SCAF8: variants seen among roughly 807,000 people sequenced by gnomAD.
The protein encoded by SCAF8 is SR-related CTD associated factor 8, also known as SR-related and CTD-associated factor 8.
SCAF8 carries 23 observed loss-of-function variants against 140.5 expected under a neutral mutation model. That is an observed-to-expected ratio of 0.16 (90% CI 0.12 to 0.23). SCAF8 has a LOEUF of 0.23. Ranked by LOEUF, SCAF8 falls within the 10% of genes least tolerant of loss-of-function variation. SCAF8 has a pLI of 1.00. For missense variants in SCAF8, 1,397 were observed against 1,555.7 expected, an observed-to-expected ratio of 0.90 and a Z score of 1.72; for synonymous variants, 575 against 528.9, an observed-to-expected ratio of 1.09 and a Z score of -1.20.
At chr6:154,822,787 G>A (rs1366998894) in intron 16 of SCAF8, among the ~76,000 whole-genome samples, 1 of 152,026 alleles carries the variant, frequency 6.6e-6, no homozygotes, top group Non-Finnish European at 1.5e-5. Context: ...AAATATGTTT[G>A]TTTATTGAAC....
intron 1 of SCAF8, among the ~76,000 whole-genome samples, chr6:154,753,632 G>C (rs1254852251): frequency 6.6e-6 from 1 of 151,980 alleles, no homozygotes; most frequent in African/African-American, 2.4e-5. Context: ...CATGTATAAA[G>C]TGTCTATTTT....
chr6:154,770,175 G>A (rs1776693973), intron 1 of SCAF8, among the ~76,000 whole-genome samples: 2 of 152,120 alleles, frequency 1.3e-5, no homozygotes, highest in Non-Finnish European at 2.9e-5. Context: ...TAGGCTGGGT[G>A]TGGTGGCTCA....
At chr6:154,735,272 T>G (rs1431675408) in intron 1 of SCAF8, among the ~76,000 whole-genome samples, 2 of 152,128 alleles carry the variant, frequency 1.3e-5, no homozygotes, top group African/African-American at 4.8e-5. Context: ...AATACGAGGC[T>G]TTTTGCTGTG....
At chr6:154,763,982 A>G (rs532854325) in intron 1 of SCAF8, among the ~76,000 whole-genome samples, 7 of 152,316 alleles carry the variant, frequency 4.6e-5, no homozygotes, top group African/African-American at 1.4e-4. Flanking sequence ...CTGATGCTGG[A>G]CCTAATTGAT....
intron 1 of SCAF8, among the ~76,000 whole-genome samples, chr6:154,749,863 A>G (rs879465713): frequency 1.3e-5 from 2 of 152,160 alleles, no homozygotes; most frequent in Admixed American, 6.5e-5. Flanking sequence ...GGGAATGGCA[A>G]TGGCGGGATG....
chr6:154,746,409 T>TTA lies in SCAF8; in HGVS notation c.30+12488_30+12489dup, dbSNP rs1343123870. Among the ~76,000 whole-genome samples, 27 of 152,264 alleles carry TTA rather than the reference T, an allele frequency of 1.8e-4. No homozygotes were observed. The East Asian group carries it at 4.8e-3, about 27-fold the overall frequency. On this transcript the variant is annotated intron_variant, in intron 1 of 19. Coordinates refer to ENST00000367178, the MANE Select transcript of SCAF8 (RefSeq NM_014892.5). The stretch of plus-strand genomic sequence containing the variant: ...ATCTATCAATAGATAGAACTGTAAA[T>TTA]TATATATATACATACATTCTCTTTC...
rs1352266656 is a variant in SCAF8 at position 154,818,716 on chromosome 6, C to CTAAA, written c.1635+125_1635+126insAAAT. On this transcript the variant is annotated intron_variant, in intron 14 of 19. Transcript: ENST00000367178. ...CTTTTATTGGATTATTAGAATGTCT[C>CTAAA]TGTATTATATTCTTTTTAAATGTTA... 18 of 467,328 alleles carry CTAAA rather than the reference C, an allele frequency of 3.9e-5. No homozygotes were observed. In the East Asian group the frequency reaches 5.9e-4, roughly 15 times the overall value. 28.9% of individuals were successfully genotyped at this position (467,328 alleles called of 1,614,324 possible).
At chr6:154,809,424 G>T (rs909297461) in intron 11 of SCAF8, among the ~76,000 whole-genome samples, 1 of 152,092 alleles carries the variant, frequency 6.6e-6, no homozygotes, top group African/African-American at 2.4e-5. Context: ...GAGCCTGTCA[G>T]TTCAACTTTC....
At position 154,833,448 on chromosome 6, in the gene SCAF8, A is replaced by C; in HGVS notation, c.*53A>C. The stretch of plus-strand genomic sequence containing the variant: ...TTTGTAAAGTTGTCATCTCTCTGTA[A>C]TAGATAATGGCTGACTGGACCATAG... On this transcript the variant is annotated 3_prime_UTR_variant, in exon 20 of 20. Coordinates refer to ENST00000367178, the MANE Select transcript of SCAF8 (RefSeq NM_014892.5). The C allele has an allele frequency of 2.0e-6, 3 of 1,528,892 alleles. No individual in the cohort carries two copies. Among genetic ancestry groups the C allele is most frequent in the Non-Finnish European group, 2.7e-6 (3 of 1,127,994 alleles). The allele number at this position is 1,528,892 out of a possible 1,614,324, so 94.7% of individuals were successfully genotyped here. A position where few individuals can be genotyped will look rare whatever the true frequency, so the allele number is the denominator to read the frequency against.
At chr6:154,747,492 CAG>C (rs1778729560) in intron 1 of SCAF8, among the ~76,000 whole-genome samples, 1 of 152,024 alleles carries the variant, frequency 6.6e-6, no homozygotes, top group South Asian at 2.1e-4. Flanking sequence ...GCCTGGGTGA[CAG>C]AGCAAGACCC....
chr6:154,774,751 C>T (rs1776870521), intron 2 of SCAF8, among the ~76,000 whole-genome samples: 1 of 152,038 alleles, frequency 6.6e-6, no homozygotes, highest in South Asian at 2.1e-4. Flanking sequence ...AGGTTTTGAA[C>T]CTATGTTAAC....
intron 6 of SCAF8, among the ~76,000 whole-genome samples, chr6:154,798,426 C>G (rs1435725083): frequency 6.6e-6 from 1 of 151,392 alleles, no homozygotes; most frequent in African/African-American, 2.4e-5. Flanking sequence ...ACCTGCTCCA[C>G]CTGCATCTTC....
intron 1 of SCAF8, among the ~76,000 whole-genome samples, chr6:154,746,299 G>C (rs1266879772): frequency 6.6e-6 from 1 of 152,040 alleles, no homozygotes; most frequent in Non-Finnish European, 1.5e-5. Context: ...ATTATTTTTT[G>C]AGTTGTCTTA....
At chr6:154,777,948 T>C (rs1427813213) in intron 2 of SCAF8, 53 bp from the exon 3 acceptor site, 5 of 1,136,826 alleles carry the variant, frequency 4.4e-6, no homozygotes, top group Non-Finnish European at 6.6e-6. Context: ...GCAGGAAATT[T>C]CAATCTCCTC....
intron 18 of SCAF8, among the ~76,000 whole-genome samples, chr6:154,827,919 C>G (rs1778617054): frequency 6.6e-6 from 1 of 151,942 alleles, no homozygotes; most frequent in Admixed American, 6.6e-5. Context: ...CAGAGGATTC[C>G]CATAAGCCCC....
At chr6:154,780,153 A>G (rs1777044140) in intron 3 of SCAF8, among the ~76,000 whole-genome samples, 2 of 152,116 alleles carry the variant, frequency 1.3e-5, no homozygotes, top group African/African-American at 4.8e-5. Context: ...CTCTATAGTC[A>G]TACTCGACTC....
In SCAF8 at chr6:154,833,372, A is replaced by G. The variant is rs1367938487; in HGVS notation, c.3793A>G (p.Ser1265Gly). 1 of 1,613,458 alleles carries G rather than the reference A, an allele frequency of 6.2e-7. No homozygotes were observed. Among genetic ancestry groups the G allele is most frequent in the Non-Finnish European group, 8.5e-7 (1 of 1,179,788 alleles). Residue 1265 changes from serine (S) to glycine (G), a missense_variant, in exon 20 of 20, where the codon AGC (serine) becomes GGC (glycine). Ser to Gly is a moderately conservative substitution (Grantham distance 56). This residue lies in a region of SCAF8 where 930 missense variants were observed against 874.6 expected (regional missense o/e 1.06). Transcript: ENST00000367178. ...TATAGAAAGTGAACCAGTGGTAGAA[A>G]GCACAGAAACTGAGGGGACATAATC... Reference protein sequence around the residue: ...ADIESEPVVESTETEGT With the variant: ...ADIESEPVVEGTETEGT
At chr6:154,770,382 ACACACACTCTCTCTCTCTCT>A (rs1443134903) in intron 1 of SCAF8, among the ~76,000 whole-genome samples, 1 of 138,328 alleles carries the variant, frequency 7.2e-6, no homozygotes, top group Admixed American at 7.1e-5. Context: ...ACACACACAC[ACACACACTCTCTCTCTCTCT>A]CTCTCTCTCT....
At chr6:154,757,191 T>A (rs1343206938) in intron 1 of SCAF8, among the ~76,000 whole-genome samples, 1 of 152,176 alleles carries the variant, frequency 6.6e-6, no homozygotes, top group Non-Finnish European at 1.5e-5. Context: ...GATGGGGTTT[T>A]GCCATGTTTG....
Sources: gnomAD v4.1 joint callset for allele counts (sites outside exome capture counted in the v4.1 genomes callset) on GRCh38, gnomAD v4.1.1 for gene constraint, gnomAD v4.1.1 regional missense constraint, MANE v1.5 for transcripts, NCBI Gene and HGNC (gene_info 2026-07-23, HGNC 2026-07-21) for gene names.